Variants in SYNM observed in about 807,000 individuals in gnomAD.
SYNM encodes desmuslin.
Under a neutral mutation model 104.0 loss-of-function variants are expected in SYNM, and 95 were observed. The observed-to-expected ratio is 0.91, with a 90% CI of 0.77 to 1.08. SYNM has a LOEUF of 1.08. SYNM is among the 50% of genes least tolerant of loss of function. The pLI, the probability that SYNM is intolerant of heterozygous loss-of-function variation, is 0.00. For missense variants in SYNM, 2,150 were observed against 2,052.2 expected (o/e 1.05, Z -0.92); for synonymous variants, 918 against 869.0 (o/e 1.06, Z -0.99).
chr15:99,122,049 G>A (rs56009713), intron 2 of SYNM, among the ~76,000 whole-genome samples: 56,165 of 152,080 alleles, frequency 0.37, 10,462 homozygotes, highest in Middle Eastern at 0.49. Context: ...GCCTTACCTC[G>A]GCAGATAGGA....
chr15:99,119,758 A>G (rs1443309964), intron 2 of SYNM, among the ~76,000 whole-genome samples: 1 of 152,258 alleles, frequency 6.6e-6, no homozygotes, highest in Non-Finnish European at 1.5e-5. Flanking sequence ...GAGTCATGTC[A>G]AAATGAATAC....
chr15:99,117,579 CTG>C (rs1251726671), intron 2 of SYNM, among the ~76,000 whole-genome samples: 2 of 152,228 alleles, frequency 1.3e-5, no homozygotes, highest in African/African-American at 4.8e-5. Flanking sequence ...TATTTTCTTT[CTG>C]TAATAGTTCT....
chr15:99,138,045 G>A, downstream of SYNM: 1 of 1,614,120 alleles, frequency 6.2e-7, no homozygotes, highest in Non-Finnish European at 8.5e-7. Flanking sequence ...GCCTTCCCCA[G>A]CAGGGTGTCC....
chr15:99,130,796 G>A lies in SYNM; in HGVS notation c.2436G>A (p.Thr812=), dbSNP rs782348100. ...HRRTKQPQEN[T]THVEEVTEAG... is the part of the protein sequence containing the mutation. The stretch of plus-strand genomic sequence containing the variant: ...GGACCAAGCAGCCTCAGGAGAACAC[G>A]ACTCACGTGGAAGAAGTGACAGAGG... Residue 812 remains threonine (T), a synonymous_variant, in exon 4 of 4, where the codon ACG becomes ACA. Transcript: ENST00000336292. The A allele has an allele frequency of 7.4e-6, 12 of 1,613,836 alleles. No individual in the cohort carries two copies. Among genetic ancestry groups the A allele is most frequent in the Admixed American group, 5.0e-5 (3 of 60,006 alleles).
chr15:99,138,081 C>CTT (rs2067736975), downstream of SYNM: 2 of 1,613,616 alleles, frequency 1.2e-6, no homozygotes, highest in Non-Finnish European at 1.7e-6. Flanking sequence ...CAGAAGGCCA[C>CTT]TTTGGCTTTT....
At chr15:99,126,612 T>TAA in intron 2 of SYNM, 110 bp from the exon 3 acceptor site, 1 of 1,104,434 alleles carries the variant, frequency 9.1e-7, no homozygotes, top group African/African-American at 1.6e-5. Flanking sequence ...GTAGAAGTCC[T>TAA]AAAACAGGTG....
chr15:99,130,455 T>G lies in SYNM; in HGVS notation c.2095T>G (p.Ser699Ala). The change falls in exon 4 of 4, where the codon TCC becomes GCC. Residue 699 changes from serine to alanine, a missense_variant. Transcript: ENST00000336292. The stretch of plus-strand genomic sequence containing the variant: ...TAAACTGACTGAGGATGTTGATGTT[T>G]CCGATGAAGCTGGCCTGGACTACCT... ...ESKLTEDVDV[S>A]DEAGLDYLLS... 1 of 1,613,878 alleles carries G rather than the reference T, an allele frequency of 6.2e-7. No homozygotes were observed. The highest frequency in any genetic ancestry group is 1.1e-5 in the South Asian group (1 of 91,064).
intron 1 of SYNM, among the ~76,000 whole-genome samples, chr15:99,108,862 A>G (rs2067273896): frequency 6.6e-6 from 1 of 152,216 alleles, no homozygotes; most frequent in African/African-American, 2.4e-5. Flanking sequence ...GCATAATGAT[A>G]ATTGCTCTTC....
At position 99,130,622 on chromosome 15, in the gene SYNM, TTA is replaced by T; in HGVS notation, c.2264_2265del (p.Tyr755CysfsTer30). The T allele has an allele frequency of 6.2e-7, 1 of 1,608,748 alleles. No individual in the cohort carries two copies. The highest frequency in any genetic ancestry group is 2.2e-5 in the East Asian group (1 of 44,518). Reference sequence around the variant, plus strand: ...TGGAGATCGTGGAGGAGCCCGTGAGTTATGTCAGCGGGGAGAAGCCGGAGGAG... The same window carrying T: ...TGGAGATCGTGGAGGAGCCCGTGAGTTGTCAGCGGGGAGAAGCCGGAGGAG... ...NVEIVEEPVS[Y>X]VSGEKPEEFS... On this transcript the variant is annotated frameshift_variant, in exon 4 of 4. Coordinates refer to ENST00000336292, the MANE Select transcript of SYNM (RefSeq NM_145728.3). LOFTEE classifies it high-confidence loss of function.
chr15:99,114,992 T>C (rs2067333987), intron 2 of SYNM, among the ~76,000 whole-genome samples: 1 of 152,180 alleles, frequency 6.6e-6, no homozygotes, highest in Non-Finnish European at 1.5e-5. Context: ...GCTGAGTTCT[T>C]TGCCACTATT....
In SYNM at chr15:99,105,714, G is replaced by C; in HGVS notation, c.515G>C (p.Gly172Ala). The change falls in exon 1 of 4, where the codon GGC (glycine) becomes GCC (alanine). Residue 172 changes from glycine (G) to alanine (A), a missense_variant. By Grantham distance (60) the Gly-to-Ala change is moderately conservative. Coordinates refer to ENST00000336292, the MANE Select transcript of SYNM (RefSeq NM_145728.3). Reference sequence around the variant, plus strand: ...ATGCATTTCCGCGCCCGCGCCACCGGCCCCGCCGCGCCGCCGCCACGCCTG... The same window carrying C: ...ATGCATTTCCGCGCCCGCGCCACCGCCCCCGCCGCGCCGCCGCCACGCCTG... Reference protein sequence around the residue: ...LTMHFRARATGPAAPPPRLRE... With the variant: ...LTMHFRARATAPAAPPPRLRE... The C allele has an allele frequency of 1.3e-6, 2 of 1,496,076 alleles. No homozygotes were observed. Among genetic ancestry groups the C allele is most frequent in the Non-Finnish European group, 1.8e-6 (2 of 1,127,556 alleles). 92.7% of individuals were successfully genotyped at this position (1,496,076 alleles called of 1,614,324 possible).
chr15:99,134,911 G>A lies in SYNM; in HGVS notation c.*1853G>A, dbSNP rs782255736. 13 of 152,346 alleles carry A rather than the reference G, an allele frequency of 8.5e-5. No individual in the cohort carries two copies. The highest frequency in any genetic ancestry group is 1.6e-4 in the Non-Finnish European group (11 of 68,030). 9.4% of individuals were successfully genotyped at this position (152,346 alleles called of 1,614,324 possible). ...GGTGACTGCTTTGTAAGGTTTTGTCGTTTCTAATACAGACAGAGATGTGCT... is the reference window on the plus strand; with the variant it reads ...GGTGACTGCTTTGTAAGGTTTTGTCATTTCTAATACAGACAGAGATGTGCT... On this transcript the variant is annotated 3_prime_UTR_variant, in exon 4 of 4. Coordinates refer to ENST00000336292, the MANE Select transcript of SYNM (RefSeq NM_145728.3).
Position 99,129,871 on chromosome 15 carries a change from C to T in SYNM, c.1511C>T (p.Ala504Val). ...CTGGGAAAGAAAACAGAAGTGAAAG[C>T]CACGAGGGAGCAAGAAAGAAACAGA... is the stretch of plus-strand genomic sequence containing the variant. ...VILGKKTEVK[A>V]TREQERNRPE... is the part of the protein sequence containing the mutation. The change falls in exon 4 of 4, where the codon GCC (alanine) becomes GTC (valine). Residue 504 changes from alanine (A) to valine (V), a missense_variant. Transcript: ENST00000336292. The T allele has an allele frequency of 1.2e-6, 2 of 1,613,312 alleles. No homozygotes were observed. Among genetic ancestry groups the T allele is most frequent in the Non-Finnish European group, 1.7e-6 (2 of 1,179,656 alleles).
At position 99,129,714 on chromosome 15, in the gene SYNM, G is replaced by A. The variant is rs143663444; in HGVS notation, c.1354G>A (p.Gly452Arg). The A allele has an allele frequency of 2.0e-4, 327 of 1,613,716 alleles. 3 individuals are homozygous for A. The African/African-American group carries it at 3.2e-3, about 16-fold the overall frequency. The change falls in exon 4 of 4, where the codon GGA becomes AGA. Residue 452 changes from glycine (G) to arginine (R), a missense_variant. Coordinates refer to ENST00000336292, the MANE Select transcript of SYNM (RefSeq NM_145728.3). ...VKTFPDRPKA[G>R]DTREVPVYIG... ...AACATTCCCTGACAGACCAAAAGCC[G>A]GAGATACAAGGGAGGTCCCCGTTTA... is the stretch of plus-strand genomic sequence containing the variant.
Position 99,130,112 on chromosome 15 carries a change from C to T in SYNM, c.1752C>T (p.Ser584=). 1 of 1,613,824 alleles carries T rather than the reference C, an allele frequency of 6.2e-7. No homozygotes were observed. Among genetic ancestry groups the T allele is most frequent in the Non-Finnish European group, 8.5e-7 (1 of 1,179,876 alleles). ...AGGTGCCGATTAGTCTAGAAGTATCCCAGGACAGAAGAGCAGAGGTGTCCC... is the reference window on the plus strand; with the variant it reads ...AGGTGCCGATTAGTCTAGAAGTATCTCAGGACAGAAGAGCAGAGGTGTCCC... ...EREVPISLEV[S]QDRRAEVSPK... is the part of the protein sequence containing the mutation. The change falls in exon 4 of 4, where the codon TCC becomes TCT. Residue 584 remains serine (S), a synonymous_variant. Transcript: ENST00000336292.
At position 99,130,407 on chromosome 15, in the gene SYNM, A is replaced by G. The variant is rs2067489207; in HGVS notation, c.2047A>G (p.Lys683Glu). ...AGAGCTTCCTGGGGAAAGGAAAACA[A>G]AGACTGAAATAGTTGTGGAGTCTAA... is the stretch of plus-strand genomic sequence containing the variant. ...RKELPGERKT[K>E]TEIVVESKLT... Residue 683 changes from lysine (K) to glutamate (E), a missense_variant, in exon 4 of 4, where the codon AAG becomes GAG. Lys to Glu is a moderately conservative substitution (Grantham distance 56). Transcript: ENST00000336292. 3.7e-6 allele frequency: 6 copies of G among 1,613,808 alleles called. No individual in the cohort carries two copies. Among genetic ancestry groups the G allele is most frequent in the Non-Finnish European group, 5.1e-6 (6 of 1,179,852 alleles).
chr15:99,106,098 C>A, intron 1 of SYNM, 89 bp downstream of exon 1: 1 of 1,291,774 alleles, frequency 7.7e-7, no homozygotes, highest in Non-Finnish European at 9.9e-7. Flanking sequence ...GCGGCCCCTT[C>A]ACCAGGGGCG....
intron 2 of SYNM, among the ~76,000 whole-genome samples, chr15:99,118,860 T>G (rs1555484236): frequency 1.3e-5 from 2 of 152,132 alleles, no homozygotes; most frequent in African/African-American, 4.8e-5. Context: ...TCCTAAGACG[T>G]GCAGCACCAT....
intron 2 of SYNM, among the ~76,000 whole-genome samples, chr15:99,123,944 G>T (rs1031368950): frequency 1.1e-4 from 16 of 152,268 alleles, no homozygotes; most frequent in African/African-American, 3.4e-4. Context: ...AGGGCCTGGC[G>T]CCTGGCCAGA....
Sources: allele counts gnomAD v4.1 joint callset (sites outside exome capture counted in the v4.1 genomes callset), GRCh38; gene constraint gnomAD v4.1.1; transcripts MANE v1.5; gene names NCBI Gene and HGNC (gene_info 2026-07-23, HGNC 2026-07-21).